The following ZBTB20 variants were observed in gnomAD, a reference collection of about 807,000 sequenced individuals.
ZBTB20 encodes the protein zinc finger and BTB domain containing 20, also known as zinc finger and BTB domain-containing protein 20.
A neutral mutation model predicts 56.9 loss-of-function variants in ZBTB20; 9 were observed. That is an observed-to-expected ratio of 0.16 (90% CI 0.10 to 0.28). ZBTB20 has a LOEUF of 0.28. Among genes scored for constraint, ZBTB20 ranks in the 10% least tolerant of loss-of-function variants. The pLI, the probability that ZBTB20 is intolerant of heterozygous loss-of-function variation, is 1.00. For synonymous variants in ZBTB20, 417 were observed against 420.7 expected, an observed-to-expected ratio of 0.99 and a Z score of 0.11; for missense variants, 655 against 1,003.0, an observed-to-expected ratio of 0.65 and a Z score of 4.69.
intron 2 of ZBTB20, among the ~76,000 whole-genome samples, chr3:115,036,473 G>A (rs896939803): frequency 5.9e-5 from 9 of 152,058 alleles, no homozygotes; most frequent in Non-Finnish European, 1.3e-4. Flanking sequence ...GGAGTGCAGT[G>A]GTGCGATCTC....
chr3:114,854,921 C>T (rs2075174514), intron 4 of ZBTB20, among the ~76,000 whole-genome samples: 1 of 152,144 alleles, frequency 6.6e-6, no homozygotes, highest in African/African-American at 2.4e-5. Flanking sequence ...TTGTTAATTT[C>T]CTTGACTAAT....
At chr3:114,896,318 T>C (rs2074876712) in intron 4 of ZBTB20, among the ~76,000 whole-genome samples, 1 of 152,122 alleles carries the variant, frequency 6.6e-6, no homozygotes, top group South Asian at 2.1e-4. Context: ...AGCCAAATTG[T>C]TCATAATAAT....
chr3:115,064,488 G>A lies in ZBTB20; in HGVS notation c.-507+6731C>T, dbSNP rs967507163. On this transcript the variant is annotated intron_variant, in intron 2 of 11. Transcript: ENST00000675478. ...TTTTTTGAGACGGAATTTCGCTCTC[G>A]TTTCCCAGGCTGGAGTGCAATGGCA... 1.4e-4 allele frequency among the ~76,000 whole-genome samples: 16 copies of A among 111,038 alleles called. No individual in the cohort carries two copies. In the South Asian group the frequency reaches 2.0e-3, roughly 14 times the overall value. 72.8% of individuals were successfully genotyped at this position (111,038 alleles called of 152,430 possible).
At chr3:114,849,526 T>C (rs1291370784) in intron 4 of ZBTB20, among the ~76,000 whole-genome samples, 2 of 152,238 alleles carry the variant, frequency 1.3e-5, no homozygotes, top group Non-Finnish European at 2.9e-5. Context: ...TATGCAGTGA[T>C]TGTTTTGTGT....
intron 4 of ZBTB20, among the ~76,000 whole-genome samples, chr3:114,803,045 G>T (rs1052744435): frequency 1.3e-5 from 2 of 151,120 alleles, no homozygotes; most frequent in African/African-American, 4.9e-5. Context: ...CCCCCCCCAT[G>T]CCATTTCTCC....
chr3:114,783,026 T>G (rs2070225317), intron 5 of ZBTB20, among the ~76,000 whole-genome samples: 1 of 152,192 alleles, frequency 6.6e-6, no homozygotes, highest in Non-Finnish European at 1.5e-5. Flanking sequence ...ATCCATTCAC[T>G]CTTTCAACCT....
chr3:114,891,807 G>GC (rs2076820704), intron 4 of ZBTB20, among the ~76,000 whole-genome samples: 2 of 152,166 alleles, frequency 1.3e-5, no homozygotes, highest in Admixed American at 1.3e-4. Flanking sequence ...AGCACTTTGG[G>GC]AGGCCCAGGC....
At chr3:114,863,797 G>C (rs2075641638) in intron 4 of ZBTB20, among the ~76,000 whole-genome samples, 1 of 151,972 alleles carries the variant, frequency 6.6e-6, no homozygotes, top group African/African-American at 2.4e-5. Flanking sequence ...ATTTCTGCTT[G>C]TAAACTAATT....
intron 5 of ZBTB20, among the ~76,000 whole-genome samples, chr3:114,739,511 T>G (rs764830578): frequency 1.1e-4 from 17 of 152,212 alleles, no homozygotes; most frequent in Admixed American, 2.0e-4. Flanking sequence ...GGTCAACCTG[T>G]GCAAAACTTT....
At chr3:114,421,524 G>A (rs113760698) in intron 7 of ZBTB20, among the ~76,000 whole-genome samples, 3 of 152,124 alleles carry the variant, frequency 2.0e-5, no homozygotes, top group African/African-American at 7.2e-5. Flanking sequence ...TTTGTACTGG[G>A]TCATGCCGTA....
At chr3:114,670,327 T>G (rs542364357) in intron 6 of ZBTB20, among the ~76,000 whole-genome samples, 56 of 152,164 alleles carry the variant, frequency 3.7e-4, no homozygotes, top group Non-Finnish European at 5.7e-4. Flanking sequence ...GGGAATCATA[T>G]CTTACTGAGG....
chr3:115,024,101 A>G (rs1198052941), intron 2 of ZBTB20, among the ~76,000 whole-genome samples: 1 of 151,160 alleles, frequency 6.6e-6, no homozygotes, highest in African/African-American at 2.4e-5. Context: ...ACTAAATGAG[A>G]GGACTACTGT....
chr3:114,804,227 A>AC (rs1321708461), intron 4 of ZBTB20, among the ~76,000 whole-genome samples: 3 of 151,384 alleles, frequency 2.0e-5, no homozygotes, highest in Non-Finnish European at 4.4e-5. Flanking sequence ...TAGTCAATAA[A>AC]AAAACAAAAC....
intron 7 of ZBTB20, among the ~76,000 whole-genome samples, chr3:114,407,454 T>C (rs1225558368): frequency 6.6e-6 from 1 of 152,198 alleles, no homozygotes; most frequent in East Asian, 1.9e-4. Flanking sequence ...CTTTACTTGA[T>C]AGGTCTCTGA....
chr3:114,890,443 G>A (rs554002895), intron 4 of ZBTB20, among the ~76,000 whole-genome samples: 4 of 152,158 alleles, frequency 2.6e-5, no homozygotes, highest in Admixed American at 1.3e-4. Flanking sequence ...GATGGTCTGA[G>A]TAGCGTAGGG....
At chr3:114,485,260 A>G (rs1031026793) in intron 7 of ZBTB20, among the ~76,000 whole-genome samples, 1 of 152,020 alleles carries the variant, frequency 6.6e-6, no homozygotes, top group Non-Finnish European at 1.5e-5. Context: ...GGAAACTAAA[A>G]CCCTACACAA....
chr3:115,078,358 T>C (rs973774947), intron 1 of ZBTB20, among the ~76,000 whole-genome samples: 2 of 152,004 alleles, frequency 1.3e-5, no homozygotes, highest in African/African-American at 4.8e-5. Context: ...ATAAACTATA[T>C]ATAAAGTGTG....
intron 10 of ZBTB20, among the ~76,000 whole-genome samples, chr3:114,367,871 CAAG>C (rs1357118987): frequency 6.6e-6 from 1 of 152,048 alleles, no homozygotes; most frequent in African/African-American, 2.4e-5. Context: ...CAAGAAGGGA[CAAG>C]AAGAAGGGCA....
intron 4 of ZBTB20, among the ~76,000 whole-genome samples, chr3:114,840,070 TA>T (rs201401896): frequency 2.6e-5 from 4 of 151,614 alleles, no homozygotes; most frequent in Non-Finnish European, 4.4e-5. Flanking sequence ...TGCAATGTAG[TA>T]AAAAAAAACA....
Sources: allele counts gnomAD v4.1 joint callset (sites outside exome capture counted in the v4.1 genomes callset), GRCh38; gene constraint gnomAD v4.1.1; transcripts MANE v1.5; gene names NCBI Gene and HGNC (gene_info 2026-07-23, HGNC 2026-07-21).